The following CDYL variants were observed in gnomAD, a reference collection of about 807,000 sequenced individuals.
CDYL encodes chromodomain Y-like protein.
CDYL carries 8 observed loss-of-function variants against 47.3 expected under a neutral mutation model. The ratio of observed to expected loss-of-function variants is 0.17; its 90% CI spans 0.10 to 0.31. The LOEUF is 0.31. CDYL is among the 10% of genes least tolerant of loss of function. The pLI, the probability that CDYL is intolerant of heterozygous loss-of-function variation, is 1.00. For missense variants in CDYL, 471 were observed against 701.4 expected, an observed-to-expected ratio of 0.67 and a Z score of 3.71; for synonymous variants, 266 against 265.0, an observed-to-expected ratio of 1.00 and a Z score of -0.04.
intron 1 of CDYL, among the ~76,000 whole-genome samples, chr6:4,850,564 G>T (rs941211315): frequency 4.3e-4 from 66 of 152,104 alleles, no homozygotes; most frequent in African/African-American, 1.5e-3. Context: ...TCTTTTCCTT[G>T]TAAGAATGCT....
At chr6:4,864,117 C>T (rs528250263) in intron 1 of CDYL, among the ~76,000 whole-genome samples, 11 of 152,264 alleles carry the variant, frequency 7.2e-5, no homozygotes, top group African/African-American at 2.4e-4. Context: ...GAGCTGAGAA[C>T]GTAACTGCCA....
intron 2 of CDYL, among the ~76,000 whole-genome samples, chr6:4,716,874 A>G (rs1757275455): frequency 6.6e-6 from 1 of 152,202 alleles, no homozygotes; most frequent in South Asian, 2.1e-4. Context: ...TGCAAGCCGA[A>G]AAAGACAGGA....
intron 1 of CDYL, among the ~76,000 whole-genome samples, chr6:4,877,700 C>T (rs1022304769): frequency 1.3e-5 from 2 of 152,218 alleles, no homozygotes; most frequent in Non-Finnish European, 2.9e-5. Flanking sequence ...GATACTTACA[C>T]AGGTACTGCT....
intron 1 of CDYL, among the ~76,000 whole-genome samples, chr6:4,852,583 TCTTC>T (rs1237020717): frequency 7.9e-6 from 1 of 125,964 alleles, no homozygotes; most frequent in East Asian, 2.4e-4. Flanking sequence ...TTCCTTCCAA[TCTTC>T]CTTCCTCCTT....
chr6:4,734,926 C>T, intron 3 of CDYL: 1 of 1,575,784 alleles, frequency 6.3e-7, no homozygotes, highest in Middle Eastern at 2.0e-4. Context: ...CCACACCACA[C>T]TCTCCCTTTA....
Position 4,912,889 on chromosome 6 carries a change from A to G in CDYL, c.691+20510A>G, listed in dbSNP as rs570283398. Reference sequence around the variant, plus strand: ...ATGAGGGCAGAGCCCCCATGACCCAATTGCCTCTTAAAGGCCCCTCGTCTC... The same window carrying G: ...ATGAGGGCAGAGCCCCCATGACCCAGTTGCCTCTTAAAGGCCCCTCGTCTC... On this transcript the variant is annotated intron_variant, in intron 2 of 6. Coordinates refer to ENST00000397588, the MANE Select transcript of CDYL (RefSeq NM_004824.4). 7.4e-4 allele frequency among the ~76,000 whole-genome samples: 112 copies of G among 152,206 alleles called. 1 individual carries two copies. Among genetic ancestry groups the G allele is most frequent in the African/African-American group, 2.4e-3 (100 of 41,544 alleles).
intron 2 of CDYL, among the ~76,000 whole-genome samples, chr6:4,732,119 G>C (rs1298921325): frequency 6.6e-6 from 1 of 152,158 alleles, no homozygotes; most frequent in Non-Finnish European, 1.5e-5. Flanking sequence ...AGGATCACTT[G>C]AGCCAAGGAG....
At chr6:4,782,029 T>C (rs555000437) in intron 1 of CDYL, among the ~76,000 whole-genome samples, 1 of 148,274 alleles carries the variant, frequency 6.7e-6, no homozygotes, top group East Asian at 2.0e-4. Flanking sequence ...TACGCCCTTC[T>C]GTGTTTCAGA....
intron 1 of CDYL, among the ~76,000 whole-genome samples, chr6:4,818,220 A>G (rs765585514): frequency 6.6e-6 from 1 of 152,198 alleles, no homozygotes; most frequent in African/African-American, 2.4e-5. Flanking sequence ...GTGCCACTGC[A>G]TTCTAGCCTG....
At chr6:4,785,327 T>G (rs1758727913) in intron 1 of CDYL, among the ~76,000 whole-genome samples, 1 of 152,224 alleles carries the variant, frequency 6.6e-6, no homozygotes, top group Non-Finnish European at 1.5e-5. Context: ...TTCTTTTTTG[T>G]GGAGAGGTTA....
At chr6:4,759,879 CAAAAAAAAAA>C (rs869207879) in intron 3 of CDYL, among the ~76,000 whole-genome samples, 3 of 25,060 alleles carry the variant, frequency 1.2e-4, no homozygotes, top group Non-Finnish European at 3.4e-4. Flanking sequence ...AACTCCATCT[CAAAAAAAAAA>C]AAAAAAAAAA....
At chr6:4,861,527 G>C (rs963291281) in intron 1 of CDYL, among the ~76,000 whole-genome samples, 5 of 152,194 alleles carry the variant, frequency 3.3e-5, no homozygotes, top group African/African-American at 7.2e-5. Context: ...CAAGAAGTAG[G>C]GGGAAGAGAC....
At chr6:4,718,948 A>C (rs188475801) in intron 2 of CDYL, among the ~76,000 whole-genome samples, 98 of 150,100 alleles carry the variant, frequency 6.5e-4, no homozygotes, top group African/African-American at 2.3e-3. Context: ...TTTCAGACAG[A>C]GTTTTGCTCT....
intron 1 of CDYL, among the ~76,000 whole-genome samples, chr6:4,789,257 G>A (rs2127433999): frequency 6.6e-6 from 1 of 152,214 alleles, no homozygotes; most frequent in Admixed American, 6.5e-5. Flanking sequence ...TGTATTTTTA[G>A]TAGATACGGG....
intron 2 of CDYL, among the ~76,000 whole-genome samples, chr6:4,922,384 A>G (rs147129530): frequency 4.7e-4 from 71 of 152,368 alleles, no homozygotes; most frequent in Middle Eastern, 3.4e-3. Flanking sequence ...TGCATGGGCA[A>G]TGAATCCTGA....
chr6:4,945,021 A>G (rs1758470338), intron 5 of CDYL, among the ~76,000 whole-genome samples: 1 of 152,062 alleles, frequency 6.6e-6, no homozygotes, highest in African/African-American at 2.4e-5. Context: ...TGCTCCACCA[A>G]AGCGCCAAGG....
At chr6:4,774,794 G>A (rs552441409), upstream of CDYL, 1 of 152,458 alleles carries the variant, frequency 6.6e-6, no homozygotes, top group Admixed American at 6.5e-5. Flanking sequence ...GTGAGCACGC[G>A]TGAGTGCTTA....
At chr6:4,746,873 G>A (rs111640251) in intron 3 of CDYL, among the ~76,000 whole-genome samples, 2 of 152,026 alleles carry the variant, frequency 1.3e-5, no homozygotes, top group African/African-American at 4.8e-5. Context: ...AGGTCTTCTC[G>A]CTGTGCCGGC....
rs540622965 is a variant in CDYL, at chr6:4,742,531, G to A, written c.186+7687G>A. Among the ~76,000 whole-genome samples, 33 of 151,808 alleles carry A rather than the reference G, an allele frequency of 2.2e-4. 1 individual carries two copies. Among genetic ancestry groups the A allele is most frequent in the African/African-American group, 7.5e-4 (31 of 41,336 alleles). On this transcript the variant is annotated intron_variant, in intron 3 of 8. Coordinates refer to the CDYL transcript ENST00000328908. ...ATCCTGCTGGAAAAGAAAAGAAAAA[G>A]GAAGAGAGAAATATTGCAGGTATTG...
Sources: gnomAD v4.1 joint callset for allele counts (sites outside exome capture counted in the v4.1 genomes callset) on GRCh38, gnomAD v4.1.1 for gene constraint, MANE v1.5 for transcripts, NCBI Gene and HGNC (gene_info 2026-07-23, HGNC 2026-07-21) for gene names.